NEBL: variants seen among roughly 807,000 people sequenced by gnomAD.
NEBL encodes LIM and SH3 protein 2.
In NEBL, 122 loss-of-function variants were observed where a neutral mutation model predicts 140.2. That is an observed-to-expected ratio of 0.87 (90% CI 0.75 to 1.01). The LOEUF (loss-of-function observed/expected upper bound fraction) is 1.01, where lower values mean the gene tolerates loss of function less well. Ranked by LOEUF, NEBL falls within the 50% of genes least tolerant of loss-of-function variation. The pLI, the probability that NEBL is intolerant of heterozygous loss-of-function variation, is 0.00. For missense variants in NEBL, 1,365 were observed against 1,231.3 expected, an observed-to-expected ratio of 1.11 and a Z score of -1.62; for synonymous variants, 436 against 398.9, an observed-to-expected ratio of 1.09 and a Z score of -1.11.
chr10:21,020,653 A>G (rs553326671), intron 2 of NEBL, among the ~76,000 whole-genome samples: 1 of 152,298 alleles, frequency 6.6e-6, no homozygotes, highest in East Asian at 1.9e-4. Flanking sequence ...CTTGCCCGTT[A>G]TAATGACTTT....
intron 12 of NEBL, among the ~76,000 whole-genome samples, chr10:20,842,010 T>C (rs938101571): frequency 6.6e-6 from 1 of 152,268 alleles, no homozygotes; most frequent in East Asian, 1.9e-4. Flanking sequence ...TAATTGCGTA[T>C]GAAAATCATA....
intron 1 of NEBL, among the ~76,000 whole-genome samples, chr10:21,274,726 T>C (rs1564553923): frequency 2.0e-5 from 3 of 152,080 alleles, no homozygotes; most frequent in Non-Finnish European, 4.4e-5. Flanking sequence ...ACACCCAGCC[T>C]ATACACTATA....
chr10:20,991,513 T>G (rs565189465), intron 3 of NEBL, among the ~76,000 whole-genome samples: 2 of 152,242 alleles, frequency 1.3e-5, no homozygotes, highest in Admixed American at 6.5e-5. Context: ...AGTGCCCAGC[T>G]GACAAATGTA....
intron 2 of NEBL, among the ~76,000 whole-genome samples, chr10:21,138,350 C>A (rs976163031): frequency 2.0e-5 from 3 of 152,088 alleles, no homozygotes; most frequent in Admixed American, 1.3e-4. Context: ...CACAAAGAAG[C>A]CCAGAAGGTA....
chr10:20,869,968 G>A (rs562174732), intron 5 of NEBL, 127 bp from the exon 6 acceptor site: 16 of 704,130 alleles, frequency 2.3e-5, no homozygotes, highest in Non-Finnish European at 3.8e-5. Flanking sequence ...CCTTAAGTTG[G>A]CTTTTTGTGC....
chr10:21,130,735 AT>A (rs1319784199), intron 2 of NEBL, among the ~76,000 whole-genome samples: 3 of 152,180 alleles, frequency 2.0e-5, no homozygotes, highest in African/African-American at 7.2e-5. Context: ...ATGCCACGAA[AT>A]CAGTGATCTG....
intron 12 of NEBL, among the ~76,000 whole-genome samples, chr10:20,844,526 G>A (rs1444956263): frequency 6.9e-6 from 1 of 145,080 alleles, no homozygotes; most frequent in Non-Finnish European, 1.5e-5. Context: ...AAAAAAAAAA[G>A]CTTTTAAAGG....
chr10:20,856,342 T>C (rs899933957), intron 9 of NEBL, among the ~76,000 whole-genome samples: 34 of 152,212 alleles, frequency 2.2e-4, no homozygotes, highest in Non-Finnish European at 4.6e-4. Flanking sequence ...AAAGCAATAT[T>C]GCATAGGAGT....
In NEBL at chr10:20,817,643, G is replaced by A. The variant is rs1838860400; in HGVS notation, c.2105C>T (p.Pro702Leu). 2 of 1,613,746 alleles carry A rather than the reference G, an allele frequency of 1.2e-6. No individual in the cohort carries two copies. Among genetic ancestry groups the A allele is most frequent in the South Asian group, 1.1e-5 (1 of 91,066 alleles). Residue 702 changes from proline (P) to leucine (L), a missense_variant, in exon 21 of 28, where the codon CCA (proline) becomes CTA (leucine). Around this residue, in one of 2 missense-constraint regions of NEBL, gnomAD observed 1,323 missense variants for 1,154.8 expected, o/e 1.15. Coordinates refer to ENST00000377122, the MANE Select transcript of NEBL (RefSeq NM_006393.3). Reference protein sequence around the residue: ...LQRGTAISDPPELKRAKENQK... With the variant: ...LQRGTAISDPLELKRAKENQK... The stretch of plus-strand genomic sequence containing the variant: ...GTTTTCTTTTGCCCTCTTCAGCTCT[G>A]GTGGATCAGAAATTGCAGTTCCCCG...
chr10:20,948,071 G>A (rs892459869), intron 4 of NEBL, among the ~76,000 whole-genome samples: 3 of 152,214 alleles, frequency 2.0e-5, no homozygotes, highest in Admixed American at 6.5e-5. Flanking sequence ...GTCGCATGTG[G>A]CCCAAGGGCC....
At chr10:20,868,049 T>C (rs1215917186) in intron 7 of NEBL, 1 of 115,486 alleles carries the variant, frequency 8.7e-6, no homozygotes, top group Non-Finnish European at 1.6e-5. Flanking sequence ...ATTTTATCTA[T>C]ATTAAAAAAA....
chr10:21,112,949 T>A, intron 2 of NEBL: 1 of 356,070 alleles, frequency 2.8e-6, no homozygotes, highest in East Asian at 8.7e-5. Flanking sequence ...TAAGTGTAAC[T>A]GGAAAGTGAT....
intron 4 of NEBL, among the ~76,000 whole-genome samples, chr10:20,944,341 A>C (rs1393554193): frequency 6.6e-6 from 1 of 152,162 alleles, no homozygotes. Context: ...CGGAGGGTGC[A>C]CTGAGCCAAG....
At chr10:20,943,383 C>T (rs375857274) in intron 4 of NEBL, among the ~76,000 whole-genome samples, 112 of 152,174 alleles carry the variant, frequency 7.4e-4, no homozygotes, top group Middle Eastern at 6.8e-3. Flanking sequence ...AGGTGGGAAC[C>T]GAACAATGAG....
chr10:20,972,085 C>T (rs1327158884), intron 3 of NEBL, among the ~76,000 whole-genome samples: 1 of 152,124 alleles, frequency 6.6e-6, no homozygotes, highest in East Asian at 1.9e-4. Context: ...GGAAATGAGT[C>T]ATTCAGAAAA....
At chr10:20,965,962 G>T (rs1384242596) in intron 3 of NEBL, among the ~76,000 whole-genome samples, 1 of 152,172 alleles carries the variant, frequency 6.6e-6, no homozygotes, top group Non-Finnish European at 1.5e-5. Context: ...CCTGAGCTCA[G>T]AAAGAGAATG....
chr10:21,260,856 A>G (rs556909757), intron 1 of NEBL, among the ~76,000 whole-genome samples: 1 of 152,368 alleles, frequency 6.6e-6, no homozygotes, highest in East Asian at 1.9e-4. Context: ...CCAAAAGCTC[A>G]ACAGCAACGA....
At chr10:21,185,537 G>A (rs370501722) in intron 3 of NEBL, among the ~76,000 whole-genome samples, 69 of 112,446 alleles carry the variant, frequency 6.1e-4, no homozygotes, top group African/African-American at 2.1e-3. Context: ...TAGCTCTGTC[G>A]CCCAGGTTGG....
chr10:21,094,209 T>A (rs372837664), intron 2 of NEBL, among the ~76,000 whole-genome samples: 20 of 152,136 alleles, frequency 1.3e-4, no homozygotes, highest in African/African-American at 4.8e-4. Flanking sequence ...ATATAAAAAT[T>A]AGCCAGGTGT....
Sources: allele counts gnomAD v4.1 joint callset (sites outside exome capture counted in the v4.1 genomes callset), GRCh38; gene constraint gnomAD v4.1.1; regional missense constraint gnomAD v4.1.1; transcripts MANE v1.5; gene names NCBI Gene and HGNC (gene_info 2026-07-23, HGNC 2026-07-21).